Variants in SLC35F5 observed in about 807,000 individuals in gnomAD.
SLC35F5 encodes solute carrier family 35 member F5, also known as HCV NS5A-transactivated protein 3.
SLC35F5 carries 54 observed loss-of-function variants against 68.6 expected under a neutral mutation model. The observed-to-expected ratio is 0.79, with a 90% CI of 0.63 to 0.99. SLC35F5 has a LOEUF of 0.99. SLC35F5 is among the 50% of genes least tolerant of loss of function. The pLI is 0.00. For missense variants in SLC35F5, 567 were observed against 626.9 expected (o/e 0.90, Z 1.02); for synonymous variants, 211 against 205.2 (o/e 1.03, Z -0.24).
intron 11 of SLC35F5, 78 bp downstream of exon 11, chr2:113,729,323 T>C: frequency 1.4e-6 from 1 of 710,114 alleles, no homozygotes; most frequent in East Asian, 2.8e-5. Flanking sequence ...GGCTTCCCTA[T>C]TCCCTCTGAA....
intron 12 of SLC35F5, among the ~76,000 whole-genome samples, chr2:113,723,586 A>G (rs1343277658): frequency 1.3e-5 from 2 of 152,212 alleles, no homozygotes; most frequent in African/African-American, 2.4e-5. Context: ...TACTTCACAC[A>G]TAGACTTTAA....
chr2:113,724,285 A>C lies in SLC35F5; in HGVS notation c.1251-1091T>G, dbSNP rs575497454. On this transcript the variant is annotated intron_variant, in intron 12 of 15. Coordinates refer to ENST00000245680, the MANE Select transcript of SLC35F5 (RefSeq NM_025181.5). ...AGAATTATAAAGCCTGTTTGACTTA[A>C]TCCAGCTGTTAAGGTGGATCCAATT... 2.0e-5 allele frequency among the ~76,000 whole-genome samples: 3 copies of C among 152,220 alleles called. No individual in the cohort carries two copies. In the South Asian group the frequency reaches 6.2e-4, roughly 31 times the overall value.
chr2:113,755,592 G>A (rs986714014), intron 1 of SLC35F5, 48 bp from the exon 2 acceptor site: 10 of 1,516,166 alleles, frequency 6.6e-6, no homozygotes, highest in Non-Finnish European at 9.1e-6. Context: ...ATAACTCAAG[G>A]TAAGATTCAT....
At chr2:113,747,286 C>A (rs1212217061) in intron 4 of SLC35F5, among the ~76,000 whole-genome samples, 71 of 141,748 alleles carry the variant, frequency 5.0e-4, no homozygotes, top group Non-Finnish European at 3.8e-4. Flanking sequence ...GATTCCGTCT[C>A]AAAAAAAAAA....
Position 113,713,749 on chromosome 2 carries a change from T to TAAAAAAAAAAA in SLC35F5, c.*1458_*1468dup, listed in dbSNP as rs879896652. The TAAAAAAAAAAA allele has an allele frequency of 1.0e-5, 1 of 98,504 alleles. No individual in the cohort carries two copies. Among genetic ancestry groups the TAAAAAAAAAAA allele is most frequent in the African/African-American group, 3.8e-5 (1 of 26,072 alleles). 6.1% of individuals were successfully genotyped at this position (98,504 alleles called of 1,614,324 possible). On this transcript the variant is annotated 3_prime_UTR_variant, in exon 16 of 16. Coordinates refer to ENST00000245680, the MANE Select transcript of SLC35F5 (RefSeq NM_025181.5). Reference sequence around the variant, plus strand: ...TTTTTGCCACTTTGGGCTGGATGATTAAAAAAAAAAAAAAAAAAAAAGAGA... The same window carrying TAAAAAAAAAAA: ...TTTTTGCCACTTTGGGCTGGATGATTAAAAAAAAAAAAAAAAAAAAAAAAAAAAAAAAGAGA...
chr2:113,717,307 T>C (rs901808767), intron 15 of SLC35F5: 1 of 152,408 alleles, frequency 6.6e-6, no homozygotes, highest in African/African-American at 2.4e-5. Context: ...ACATAAAGAC[T>C]AGTATTTTCC....
chr2:113,719,435 ACT>A, intron 13 of SLC35F5, 127 bp from the exon 14 acceptor site: 1 of 732,638 alleles, frequency 1.4e-6, no homozygotes, highest in Non-Finnish European at 2.1e-6. Context: ...AAAATTAAAC[ACT>A]GACAATGTAT....
At chr2:113,718,875 AAG>A (rs1687288334) in intron 14 of SLC35F5, among the ~76,000 whole-genome samples, 2 of 46,336 alleles carry the variant, frequency 4.3e-5, no homozygotes, top group Non-Finnish European at 6.1e-5. Context: ...AAAAGAAAGA[AAG>A]AAAGAAAGAA....
In SLC35F5 at chr2:113,711,748, A is replaced by T. The variant is rs4849267; in HGVS notation, c.*3470T>A. On this transcript the variant is annotated 3_prime_UTR_variant, in exon 16 of 16. Transcript: ENST00000245680. ...AATTATTTCTGTTAACTCCTCCTAA[A>T]ATATTATTTAGTAATAAAGAATATT... is the stretch of plus-strand genomic sequence containing the variant. 0.11 allele frequency among the ~76,000 whole-genome samples: 16,570 copies of T among 152,166 alleles called. 974 individuals are homozygous for T. The highest frequency in any genetic ancestry group is 0.13 in the Non-Finnish European group (8,695 of 68,006).
intron 3 of SLC35F5, among the ~76,000 whole-genome samples, chr2:113,754,383 A>G (rs879716082): frequency 1.3e-5 from 2 of 152,112 alleles, no homozygotes; most frequent in Non-Finnish European, 2.9e-5. Context: ...ATGAGACCTG[A>G]GTATTAAACT....
chr2:113,756,269 G>A, intron 1 of SLC35F5, 101 bp downstream of exon 1: 1 of 1,542,408 alleles, frequency 6.5e-7, no homozygotes, highest in South Asian at 1.2e-5. Flanking sequence ...TTTCGGTCAA[G>A]GCGCTCCTGC....
At chr2:113,751,339 G>T (rs578086150) in intron 3 of SLC35F5, among the ~76,000 whole-genome samples, 1 of 152,126 alleles carries the variant, frequency 6.6e-6, no homozygotes, top group East Asian at 1.9e-4. Flanking sequence ...AAGGGAGACT[G>T]TTTTTTTGTT....
At chr2:113,702,813 C>T (rs567043383), downstream of SLC35F5, among the ~76,000 whole-genome samples, 1 of 152,208 alleles carries the variant, frequency 6.6e-6, no homozygotes, top group South Asian at 2.1e-4. Flanking sequence ...AAGATTCCTA[C>T]TGAGTAAAAT....
intron 3 of SLC35F5, among the ~76,000 whole-genome samples, chr2:113,754,107 T>C (rs1239482406): frequency 6.6e-6 from 1 of 151,932 alleles, no homozygotes; most frequent in African/African-American, 2.4e-5. Flanking sequence ...CTGACCAACA[T>C]GGTGAAACCC....
In SLC35F5 at chr2:113,739,459, T is replaced by A. The variant is rs140049714; in HGVS notation, c.750+3233A>T. Among the ~76,000 whole-genome samples, 280 of 152,334 alleles carry A rather than the reference T, an allele frequency of 1.8e-3. 2 individuals carry two copies. Among genetic ancestry groups the A allele is most frequent in the Middle Eastern group, 3.4e-3 (1 of 294 alleles). On this transcript the variant is annotated intron_variant, in intron 7 of 15. Transcript: ENST00000245680. ...GGGCCAACTGTATGTCTGGACTATA[T>A]TCCTCTGACTTCCCAAAGAAATGCC...
Position 113,711,963 on chromosome 2 carries a change from T to C in SLC35F5, c.*3255A>G, listed in dbSNP as rs1473079205. Among the ~76,000 whole-genome samples the C allele has an allele frequency of 6.6e-6, 1 of 152,242 alleles. No homozygotes were observed. The highest frequency in any genetic ancestry group is 2.4e-5 in the African/African-American group (1 of 41,468). ...TGCTATGGGTATTACCACAGTGCCCTGTGAAAAGACTTGGCTTCCAGAGAA... is the reference window on the plus strand; with the variant it reads ...TGCTATGGGTATTACCACAGTGCCCCGTGAAAAGACTTGGCTTCCAGAGAA... On this transcript the variant is annotated 3_prime_UTR_variant, in exon 16 of 16. Coordinates refer to ENST00000245680, the MANE Select transcript of SLC35F5 (RefSeq NM_025181.5).
At chr2:113,752,442 T>C (rs1311832742) in intron 3 of SLC35F5, among the ~76,000 whole-genome samples, 1 of 152,204 alleles carries the variant, frequency 6.6e-6, no homozygotes, top group Non-Finnish European at 1.5e-5. Context: ...TTGCAGTCAT[T>C]ATGTATGTCA....
intron 14 of SLC35F5, among the ~76,000 whole-genome samples, chr2:113,718,928 A>AGAAAGGAAGG (rs1268449934): frequency 4.7e-5 from 2 of 42,502 alleles, no homozygotes; most frequent in African/African-American, 1.4e-4. Context: ...AAAGAAAGAA[A>AGAAAGGAAGG]AAGAAAGGAA....
At chr2:113,735,213 T>C (rs1688039784) in intron 8 of SLC35F5, among the ~76,000 whole-genome samples, 1 of 152,178 alleles carries the variant, frequency 6.6e-6, no homozygotes. Flanking sequence ...AATATGTTGT[T>C]ATATAAAAAA....
Sources: allele counts gnomAD v4.1 joint callset (sites outside exome capture counted in the v4.1 genomes callset), GRCh38; gene constraint gnomAD v4.1.1; transcripts MANE v1.5; gene names NCBI Gene and HGNC (gene_info 2026-07-23, HGNC 2026-07-21).